Variants in SEL1L3 observed in about 807,000 individuals in gnomAD.
SEL1L3 encodes SEL1L family member 3.
In SEL1L3, 76 loss-of-function variants were observed where a neutral mutation model predicts 142.8. The observed-to-expected ratio is 0.53, with a 90% CI of 0.44 to 0.64. The LOEUF (loss-of-function observed/expected upper bound fraction) is 0.64. Among genes scored for constraint, SEL1L3 ranks in the 30% least tolerant of loss-of-function variants. The probability of loss-of-function intolerance (pLI) is 0.00; values close to 1 mark genes in which losing one functional copy is unlikely to be tolerated. For synonymous variants in SEL1L3, 504 were observed against 519.6 expected (o/e 0.97, Z 0.41); for missense variants, 1,262 against 1,381.7 (o/e 0.91, Z 1.37).
At chr4:25,850,224 AG>A (rs1300735023) in intron 1 of SEL1L3, among the ~76,000 whole-genome samples, 1 of 152,206 alleles carries the variant, frequency 6.6e-6, no homozygotes. Context: ...GAATCAACAA[AG>A]GTTTCTGTAC....
intron 6 of SEL1L3, among the ~76,000 whole-genome samples, chr4:25,828,447 T>C (rs904839207): frequency 2.0e-5 from 3 of 150,076 alleles, no homozygotes; most frequent in Non-Finnish European, 4.4e-5. Context: ...AGTGCTGTGG[T>C]GGGATCTTGG....
chr4:25,796,261 G>A (rs763778380), intron 11 of SEL1L3, among the ~76,000 whole-genome samples: 10 of 152,012 alleles, frequency 6.6e-5, no homozygotes, highest in African/African-American at 1.9e-4. Context: ...CACAGAGGGC[G>A]GTGCTCACAA....
Position 25,802,294 on chromosome 4 carries a change from GCA to G in SEL1L3, c.1943_1944del (p.Leu648ProfsTer8). On this transcript the variant is annotated frameshift_variant, in exon 11 of 24. Transcript: ENST00000399878. LOFTEE classifies it high-confidence loss of function. ...ATKTPLDQHT[L>X]QGDQAYVETI... ...TTTCTCTCTCATACCTGATCTCCTT[GCA>G]GTGTGTGCTGGTCAAGGGGTGTCTT... 1.9e-6 allele frequency: 3 copies of G among 1,612,816 alleles called. No homozygotes were observed. The highest frequency in any genetic ancestry group is 2.5e-6 in the Non-Finnish European group (3 of 1,179,460).
the SEL1L3 span, among the ~76,000 whole-genome samples, chr4:25,739,272 C>G: frequency 1.3e-5 from 2 of 152,042 alleles, no homozygotes; most frequent in Non-Finnish European, 2.9e-5. Flanking sequence ...TTGGTTGTCA[C>G]AACTGAGTGG....
intron 11 of SEL1L3, among the ~76,000 whole-genome samples, chr4:25,798,963 A>C (rs1712987259): frequency 6.6e-6 from 1 of 152,130 alleles, no homozygotes; most frequent in Non-Finnish European, 1.5e-5. Context: ...GTTCCTAATG[A>C]AGGTGTTGGA....
chr4:25,854,190 G>A (rs1160677900), intron 1 of SEL1L3, among the ~76,000 whole-genome samples: 4 of 152,176 alleles, frequency 2.6e-5, no homozygotes, highest in Non-Finnish European at 4.4e-5. Context: ...AATGGGTGTG[G>A]CCGTGGTCCC....
intron 23 of SEL1L3, 77 bp from the exon 24 acceptor site, chr4:25,748,641 C>A (rs1438413323): frequency 1.4e-6 from 2 of 1,478,030 alleles, no homozygotes; most frequent in African/African-American, 2.8e-5. Flanking sequence ...CCTAGAGACT[C>A]TGGCAAGCCA....
At chr4:25,724,189 AG>A in the SEL1L3 span, among the ~76,000 whole-genome samples, 1 of 151,872 alleles carries the variant, frequency 6.6e-6, no homozygotes, top group Non-Finnish European at 1.5e-5. Context: ...GAGGCCGAGG[AG>A]GGTGGATCAC....
At chr4:25,799,351 C>T (rs1052327458) in intron 11 of SEL1L3, among the ~76,000 whole-genome samples, 3 of 152,070 alleles carry the variant, frequency 2.0e-5, no homozygotes, top group Non-Finnish European at 2.9e-5. Context: ...CTGGTATTAC[C>T]GGGGTGACCT....
At chr4:25,820,580 C>T (rs1205322964) in intron 7 of SEL1L3, among the ~76,000 whole-genome samples, 1 of 152,208 alleles carries the variant, frequency 6.6e-6, no homozygotes, top group East Asian at 1.9e-4. Flanking sequence ...GAGGGTCACA[C>T]AGTTATTTCA....
intron 11 of SEL1L3, among the ~76,000 whole-genome samples, chr4:25,799,581 G>A (rs1713035952): frequency 2.6e-5 from 4 of 152,186 alleles, no homozygotes; most frequent in Admixed American, 2.0e-4. Context: ...GGGAGACGAT[G>A]AGCAACAAAT....
intron 11 of SEL1L3, among the ~76,000 whole-genome samples, chr4:25,799,080 G>A (rs1171638039): frequency 6.7e-6 from 1 of 148,874 alleles, no homozygotes; most frequent in African/African-American, 2.6e-5. Flanking sequence ...TACTCTGTTT[G>A]TTGTTGTTGT....
chr4:25,784,991 G>A (rs1204618635), intron 13 of SEL1L3, among the ~76,000 whole-genome samples: 5 of 152,210 alleles, frequency 3.3e-5, no homozygotes, highest in Non-Finnish European at 5.9e-5. Context: ...TAGAGTGGAA[G>A]GAGGTCCTTG....
intron 1 of SEL1L3, 31 bp downstream of exon 1, chr4:25,862,644 G>A (rs1717806050): frequency 8.2e-7 from 1 of 1,212,210 alleles, no homozygotes; most frequent in Non-Finnish European, 1.0e-6. Context: ...CCCGCGCGGA[G>A]GGGAAGACCC....
At chr4:25,774,418 A>G (rs776025313) in intron 17 of SEL1L3, among the ~76,000 whole-genome samples, 21 of 152,250 alleles carry the variant, frequency 1.4e-4, no homozygotes, top group Admixed American at 1.1e-3. Flanking sequence ...CCCCCAACCA[A>G]CCAACCAACC....
At chr4:25,854,658 A>G (rs1212141885) in intron 1 of SEL1L3, among the ~76,000 whole-genome samples, 1 of 152,212 alleles carries the variant, frequency 6.6e-6, no homozygotes, top group African/African-American at 2.4e-5. Flanking sequence ...GTTCTCATAT[A>G]GGAGAAACGG....
At chr4:25,739,349 G>A in the SEL1L3 span, among the ~76,000 whole-genome samples, 13 of 152,180 alleles carry the variant, frequency 8.5e-5, no homozygotes, top group Non-Finnish European at 1.3e-4. Flanking sequence ...TGTACACACA[G>A]CTTCTCACAA....
At chr4:25,794,203 C>T (rs1482653413) in intron 11 of SEL1L3, among the ~76,000 whole-genome samples, 1 of 152,184 alleles carries the variant, frequency 6.6e-6, no homozygotes, top group African/African-American at 2.4e-5. Context: ...AGCTTCTGCA[C>T]TGCAAAAGAA....
At chr4:25,861,644 T>C (rs2109332922) in intron 1 of SEL1L3, among the ~76,000 whole-genome samples, 1 of 152,136 alleles carries the variant, frequency 6.6e-6, no homozygotes, top group Non-Finnish European at 1.5e-5. Flanking sequence ...TTTTTTTTTT[T>C]TTTGGCATTC....
Sources: allele counts gnomAD v4.1 joint callset (sites outside exome capture counted in the v4.1 genomes callset), GRCh38; gene constraint gnomAD v4.1.1; transcripts MANE v1.5; gene names NCBI Gene and HGNC (gene_info 2026-07-23, HGNC 2026-07-21).